The following FADS2 variants were observed in gnomAD, a reference collection of about 807,000 sequenced individuals.
FADS2 encodes fatty acid desaturase 2.
In FADS2, 18 loss-of-function variants were observed where a neutral mutation model predicts 61.2. The observed-to-expected ratio is 0.29, with a 90% confidence interval of 0.20 to 0.44. The LOEUF is 0.44. Ranked by LOEUF, FADS2 falls within the 20% of genes least tolerant of loss-of-function variation. The pLI is 1.00. For missense variants in FADS2, 322 were observed against 572.7 expected (o/e 0.56, Z 4.47); for synonymous variants, 203 against 223.9 (o/e 0.91, Z 0.83).
rs114564403 is a variant in FADS2, at chr11:61,857,601, C to T, written c.882+71C>T. 9.4e-4 allele frequency: 1,275 copies of T among 1,351,372 alleles called. 15 individuals carry two copies. The African/African-American group carries it at 0.016, about 17-fold the overall frequency. 83.7% of individuals were successfully genotyped at this position (1,351,372 alleles called of 1,614,324 possible). A position where few individuals can be genotyped will look rare whatever the true frequency, so the allele number is the denominator to read the frequency against. On this transcript the variant is annotated intron_variant, in intron 7 of 11. Transcript: ENST00000278840. Reference sequence around the variant, plus strand: ...GGGACAGGGGGACCCGGGGGTCCTACGCTGCCTCCTCGTGTGCCCCAGTGG... The same window carrying T: ...GGGACAGGGGGACCCGGGGGTCCTATGCTGCCTCCTCGTGTGCCCCAGTGG...
chr11:61,822,759 A>G (rs927755766), intron 1 of FADS2, among the ~76,000 whole-genome samples: 1 of 152,252 alleles, frequency 6.6e-6, no homozygotes, highest in African/African-American at 2.4e-5. Context: ...GAGAATATTT[A>G]CTTCACTATA....
chr11:61,840,409 T>C lies in FADS2; in HGVS notation c.394T>C (p.Phe132Leu). Residue 132 changes from phenylalanine to leucine, a missense_variant, in exon 3 of 12, where the codon TTC becomes CTC. Phe to Leu is a conservative substitution (Grantham distance 22). Coordinates refer to ENST00000278840, the MANE Select transcript of FADS2 (RefSeq NM_004265.4). ...GAACCTGTTCAAGACCAACCACGTGTTCTTCCTCCTCCTCCTGGCCCACAT... is the reference window on the plus strand; with the variant it reads ...GAACCTGTTCAAGACCAACCACGTGCTCTTCCTCCTCCTCCTGGCCCACAT... The part of the protein sequence containing the change: ...DMNLFKTNHV[F>L]FLLLLAHIIA... The C allele has an allele frequency of 1.2e-6, 2 of 1,614,192 alleles. No homozygotes were observed. The highest frequency in any genetic ancestry group is 1.7e-6 in the Non-Finnish European group (2 of 1,180,012).
intron 5 of FADS2, among the ~76,000 whole-genome samples, chr11:61,852,061 C>T (rs1455459767): frequency 6.6e-6 from 1 of 152,146 alleles, no homozygotes; most frequent in African/African-American, 2.4e-5. Context: ...TCCCGGCACC[C>T]CCATGAGGTG....
chr11:61,862,935 G>C (rs768249034), intron 7 of FADS2, 37 bp from the exon 8 acceptor site: 1 of 1,550,366 alleles, frequency 6.5e-7, no homozygotes, highest in Non-Finnish European at 8.9e-7. Flanking sequence ...GGGCAGAGGA[G>C]AGGGCAGGTT....
chr11:61,854,199 C>T (rs1368816227), intron 5 of FADS2: 2 of 152,278 alleles, frequency 1.3e-5, no homozygotes, highest in African/African-American at 4.8e-5. Flanking sequence ...GACGGGGACT[C>T]CTCTGGAGGA....
chr11:61,866,229 C>T lies in FADS2; in HGVS notation c.*540C>T. 2.6e-6 allele frequency: 1 copy of T among 387,190 alleles called. No homozygotes were observed. The highest frequency in any genetic ancestry group is 4.6e-6 in the Non-Finnish European group (1 of 219,350). The allele number at this position is 387,190 out of a possible 1,614,324, so 24.0% of individuals were successfully genotyped here. ...TAGAGAGGCCTGCTTTGTTACAAAG[C>T]TCGGGTCTCCCTCCTGCAGCTCGGT... On this transcript the variant is annotated 3_prime_UTR_variant, in exon 12 of 12. Transcript: ENST00000278840.
At chr11:61,826,287 T>A, upstream of FADS2, 1 of 702,582 alleles carries the variant, frequency 1.4e-6, no homozygotes, top group Non-Finnish European at 2.6e-6. Flanking sequence ...TTTCAGGACC[T>A]ACCCTGGCTG....
At position 61,860,246 on chromosome 11, in the gene FADS2, G is replaced by A. The variant is rs530578155; in HGVS notation, c.882+2716G>A. ...GCACCCTGCCATGCCCTGGAGAACC[G>A]CCCATGACAACAAGCAGCCTGTCCC... On this transcript the variant is annotated intron_variant, in intron 7 of 11. Coordinates refer to ENST00000278840, the MANE Select transcript of FADS2 (RefSeq NM_004265.4). Among the ~76,000 whole-genome samples, 36 of 152,342 alleles carry A rather than the reference G, an allele frequency of 2.4e-4. No homozygotes were observed. The South Asian group carries it at 5.6e-3, about 24-fold the overall frequency.
intron 4 of FADS2, among the ~76,000 whole-genome samples, chr11:61,841,532 C>G (rs2727265): frequency 2.0e-5 from 3 of 148,396 alleles, no homozygotes; most frequent in Admixed American, 6.7e-5. Context: ...GACCCCCCCC[C>G]ATCTCTCAAA....
At chr11:61,836,491 C>T (rs1270463368) in intron 1 of FADS2, among the ~76,000 whole-genome samples, 1 of 152,108 alleles carries the variant, frequency 6.6e-6, no homozygotes, top group African/African-American at 2.4e-5. Context: ...CTCAGCCTCC[C>T]GAGTAACTGG....
At position 61,862,996 on chromosome 11, in the gene FADS2, T is replaced by G; in HGVS notation, c.907T>G (p.Tyr303Asp). 6.2e-7 allele frequency: 1 copy of G among 1,614,240 alleles called. No homozygotes were observed. Among genetic ancestry groups the G allele is most frequent in the Non-Finnish European group, 8.5e-7 (1 of 1,180,050 alleles). ...WVDLAWAVSY[Y>D]IRFFITYIPF... Reference sequence around the variant, plus strand: ...GGACCTGGCCTGGGCCGTCAGCTACTACATCCGGTTCTTCATCACCTACAT... The same window carrying G: ...GGACCTGGCCTGGGCCGTCAGCTACGACATCCGGTTCTTCATCACCTACAT... Residue 303 changes from tyrosine (Y) to aspartate (D), a missense_variant, in exon 8 of 12, where the codon TAC (tyrosine) becomes GAC (aspartate). Coordinates refer to ENST00000278840, the MANE Select transcript of FADS2 (RefSeq NM_004265.4).
chr11:61,837,922 G>T, intron 2 of FADS2, 34 bp downstream of exon 2: 1 of 1,495,328 alleles, frequency 6.7e-7, no homozygotes, highest in South Asian at 1.2e-5. Flanking sequence ...TGGGGGTGGA[G>T]ACGAGGCTGG....
chr11:61,863,934 C>A, intron 10 of FADS2, 148 bp downstream of exon 10: 1 of 673,300 alleles, frequency 1.5e-6, no homozygotes, highest in Non-Finnish European at 2.6e-6. Flanking sequence ...TCCCAGCCAG[C>A]CCCGCTGAGG....
At chr11:61,832,747 G>C (rs773083895) in intron 1 of FADS2, among the ~76,000 whole-genome samples, 5 of 152,216 alleles carry the variant, frequency 3.3e-5, no homozygotes, top group Non-Finnish European at 7.3e-5. Context: ...TTCCACTGGA[G>C]AATGCGAGGA....
At chr11:61,821,512 T>C in intron 1 of FADS2, 1 of 688,522 alleles carries the variant, frequency 1.5e-6, no homozygotes. Context: ...ATCCTAAACA[T>C]AATAGTTGGC....
chr11:61,845,917 G>A (rs747554885), intron 4 of FADS2, among the ~76,000 whole-genome samples: 1 of 152,050 alleles, frequency 6.6e-6, no homozygotes, highest in Non-Finnish European at 1.5e-5. Flanking sequence ...CTTGTTGTCA[G>A]CCCGTCTTGC....
chr11:61,863,155 C>G, intron 8 of FADS2, 86 bp downstream of exon 8: 3 of 1,467,142 alleles, frequency 2.0e-6, no homozygotes, highest in Non-Finnish European at 2.9e-6. Context: ...GACGGCTCCA[C>G]TTTGCCTGGG....
Position 61,816,859 on chromosome 11 carries a change from G to C in FADS2, c.141+433G>C. ...GTGGATTTGCTGGCGCGCGCCCAGA[G>C]CCAGCCGCCTGCGCGCCGGGTTTTC... is the stretch of plus-strand genomic sequence containing the variant. On this transcript the variant is annotated intron_variant, in intron 1 of 11. Coordinates refer to the FADS2 transcript ENST00000257261. This position sits in a 1 kb window ranked among gnomAD's most constrained non-coding sequence, Gnocchi z 7.0. 1.3e-6 allele frequency: 2 copies of C among 1,481,722 alleles called. No individual in the cohort carries two copies. The highest frequency in any genetic ancestry group is 1.8e-6 in the Non-Finnish European group (2 of 1,126,612). 91.8% of individuals were successfully genotyped at this position (1,481,722 alleles called of 1,614,324 possible).
At chr11:61,862,631 C>T (rs59522631) in intron 7 of FADS2, 5 of 314,264 alleles carry the variant, frequency 1.6e-5, no homozygotes, top group African/African-American at 8.7e-5. Context: ...GACCTGGCCC[C>T]GGGTTGGGGG....
Sources: allele counts gnomAD v4.1 joint callset (sites outside exome capture counted in the v4.1 genomes callset), GRCh38; gene constraint gnomAD v4.1.1; non-coding constraint Gnocchi (gnomAD v3.1); transcripts MANE v1.5; gene names NCBI Gene and HGNC (gene_info 2026-07-23, HGNC 2026-07-21).